The following GATA4 variants were observed in gnomAD, a reference collection of about 807,000 sequenced individuals.
GATA4 encodes the protein GATA binding protein 4.
A neutral mutation model predicts 37.9 loss-of-function variants in GATA4; 7 were observed. That is an observed-to-expected ratio of 0.18 (90% CI 0.11 to 0.35). GATA4 has a LOEUF of 0.35. Ranked by LOEUF, GATA4 falls within the 10% of genes least tolerant of loss-of-function variation. The pLI, the probability that GATA4 is intolerant of heterozygous loss-of-function variation, is 1.00. For synonymous variants in GATA4, 372 were observed against 292.6 expected, an observed-to-expected ratio of 1.27 and a Z score of -2.77; for missense variants, 647 against 653.0, an observed-to-expected ratio of 0.99 and a Z score of 0.10.
rs770347441 is a variant in GATA4, at chr8:11,708,296, G to C, written c.-17G>C. ...GAGGGAGAGAGAGGACACCGAAGCC[G>C]GGAGCTCGCAGGGACCATGTATCAG... On this transcript the variant is annotated 5_prime_UTR_variant, in exon 2 of 7. Coordinates refer to ENST00000532059, the MANE Select transcript of GATA4 (RefSeq NM_001308093.3). The surrounding 1 kb of genome is among the most constrained non-coding windows in gnomAD (Gnocchi z 6.7). 8.9e-6 allele frequency: 14 copies of C among 1,573,280 alleles called. No homozygotes were observed. The South Asian group carries it at 1.6e-4, about 18-fold the overall frequency.
At chr8:11,684,311 C>G (rs1158536627) in intron 1 of GATA4, among the ~76,000 whole-genome samples, 1 of 152,248 alleles carries the variant, frequency 6.6e-6, no homozygotes, top group Non-Finnish European at 1.5e-5. Flanking sequence ...CAAACACCTA[C>G]AAGCTGGGTG....
chr8:11,704,361 C>T (rs1208768135), intron 1 of GATA4, 57 bp downstream of exon 1: 1 of 152,276 alleles, frequency 6.6e-6, no homozygotes. Flanking sequence ...AAACTCGGAG[C>T]TTCTCCGCCT....
intron 1 of GATA4, among the ~76,000 whole-genome samples, chr8:11,684,760 T>C (rs1421394002): frequency 2.0e-5 from 3 of 152,242 alleles, no homozygotes; most frequent in African/African-American, 7.2e-5. Flanking sequence ...TTGTTTTTGT[T>C]TGGCTTTGTG....
At chr8:11,699,331 C>T (rs1243151707), upstream of GATA4, among the ~76,000 whole-genome samples, 1 of 152,222 alleles carries the variant, frequency 6.6e-6, no homozygotes, top group Non-Finnish European at 1.5e-5. Flanking sequence ...CTTCAAAAGT[C>T]TCTAACTGGG....
chr8:11,756,599 A>G, intron 5 of GATA4: 1 of 396,172 alleles, frequency 2.5e-6, no homozygotes, highest in South Asian at 2.3e-5. Context: ...ATTTCATTAT[A>G]GAGTATTATC....
intron 1 of GATA4, among the ~76,000 whole-genome samples, chr8:11,686,516 C>A (rs570178054): frequency 4.1e-4 from 62 of 152,282 alleles, no homozygotes; most frequent in African/African-American, 1.5e-3. Context: ...AGACTGGAGG[C>A]AGCTCCTCCT....
chr8:11,730,986 C>A (rs1341872513), intron 2 of GATA4, among the ~76,000 whole-genome samples: 1 of 152,266 alleles, frequency 6.6e-6, no homozygotes. Flanking sequence ...TCTGTCAGGG[C>A]GAGCTTCTCG....
In GATA4 at chr8:11,693,562, C is replaced by CACAGAG. The variant is rs1405047773; in HGVS notation, c.-729+903_-729+904insCAGAGA. ...ACACACACACACACACACACACACA[C>CACAGAG]AGAGAGAGAGAGAGAGAGAGAGAGA... On this transcript the variant is annotated intron_variant, in intron 1 of 2. Coordinates refer to the GATA4 transcript ENST00000526974. 1.8e-3 allele frequency among the ~76,000 whole-genome samples: 129 copies of CACAGAG among 72,214 alleles called. 1 individual carries two copies. Among genetic ancestry groups the CACAGAG allele is most frequent in the South Asian group, 7.9e-3 (11 of 1,390 alleles). 47.4% of individuals were successfully genotyped at this position (72,214 alleles called of 152,430 possible).
At chr8:11,695,139 C>T (rs1286798728) in intron 1 of GATA4, among the ~76,000 whole-genome samples, 1 of 152,200 alleles carries the variant, frequency 6.6e-6, no homozygotes, top group Non-Finnish European at 1.5e-5. Flanking sequence ...GGCGCGGTGG[C>T]TCACTCCTTT....
chr8:11,744,521 C>G (rs1013326340), intron 2 of GATA4, among the ~76,000 whole-genome samples: 1 of 152,124 alleles, frequency 6.6e-6, no homozygotes, highest in South Asian at 2.1e-4. Flanking sequence ...CAGTGCCTTT[C>G]GTAGGAAGGA....
intron 1 of GATA4, chr8:11,694,350 C>T (rs974943267): frequency 6.1e-5 from 14 of 228,102 alleles, no homozygotes; most frequent in Non-Finnish European, 9.4e-5. Context: ...AGGCTCCCAG[C>T]ATTGCCCCAT....
intron 1 of GATA4, among the ~76,000 whole-genome samples, chr8:11,696,547 A>C (rs973222789): frequency 6.6e-6 from 1 of 152,208 alleles, no homozygotes; most frequent in Admixed American, 6.5e-5. Flanking sequence ...GTTTGGGGCA[A>C]TTATGAATAA....
chr8:11,758,490 T>A lies in GATA4; in HGVS notation c.*15T>A. ...TCACTGCGTAATCTTCCCTCTTCCC[T>A]CCTCAAATTCCTGCACGGACCTGGG... On this transcript the variant is annotated 3_prime_UTR_variant, in exon 7 of 7. Transcript: ENST00000532059. 6.2e-7 allele frequency: 1 copy of A among 1,613,632 alleles called. No individual in the cohort carries two copies. Among genetic ancestry groups the A allele is most frequent in the Non-Finnish European group, 8.5e-7 (1 of 1,179,574 alleles).
chr8:11,716,803 G>A (rs1448647250), intron 2 of GATA4, among the ~76,000 whole-genome samples: 1 of 152,232 alleles, frequency 6.6e-6, no homozygotes. Context: ...AGGGCAAGGT[G>A]ATTCTTTTAA....
chr8:11,708,826 T>C lies in GATA4; in HGVS notation c.514T>C (p.Ser172Pro). 1 of 1,493,044 alleles carries C rather than the reference T, an allele frequency of 6.7e-7. No homozygotes were observed. The highest frequency in any genetic ancestry group is 8.9e-7 in the Non-Finnish European group (1 of 1,129,236). 92.5% of individuals were successfully genotyped at this position (1,493,044 alleles called of 1,614,324 possible). ...YPAYMADVGASWAAAAAASAG... is the reference protein window; with the variant it reads ...YPAYMADVGAPWAAAAAASAG... The stretch of plus-strand genomic sequence containing the variant: ...GGCTTACATGGCCGACGTGGGCGCG[T>C]CCTGGGCCGCAGCCGCCGCCGCCTC... The change falls in exon 2 of 7, where the codon TCC becomes CCC. Residue 172 changes from serine (S) to proline (P), a missense_variant. Ser to Pro is a moderately conservative substitution (Grantham distance 74). Transcript: ENST00000532059. The surrounding 1 kb of genome is among the most constrained non-coding windows in gnomAD (Gnocchi z 6.7).
chr8:11,719,783 C>G (rs568806470), intron 2 of GATA4, among the ~76,000 whole-genome samples: 2 of 152,134 alleles, frequency 1.3e-5, no homozygotes, highest in African/African-American at 2.4e-5. Context: ...ACACTGATGC[C>G]ATTTTTAAAT....
intron 1 of GATA4, among the ~76,000 whole-genome samples, chr8:11,695,337 C>G (rs986967243): frequency 6.6e-6 from 1 of 152,186 alleles, no homozygotes; most frequent in East Asian, 1.9e-4. Context: ...ACCCGGGAGG[C>G]AGAGGTTGCG....
chr8:11,681,989 A>G (rs893065988), intron 1 of GATA4, among the ~76,000 whole-genome samples: 1 of 152,170 alleles, frequency 6.6e-6, no homozygotes, highest in African/African-American at 2.4e-5. Flanking sequence ...TACAGAAGTT[A>G]CTCGATAAAG....
Position 11,708,565 on chromosome 8 carries a change from G to C in GATA4, c.253G>C (p.Gly85Arg). The C allele has an allele frequency of 7.2e-7, 1 of 1,385,144 alleles. No individual in the cohort carries two copies. Among genetic ancestry groups the C allele is most frequent in the Non-Finnish European group, 9.3e-7 (1 of 1,076,256 alleles). 85.8% of individuals were successfully genotyped at this position (1,385,144 alleles called of 1,614,324 possible). A position where few individuals can be genotyped will look rare whatever the true frequency, so the allele number is the denominator to read the frequency against. ...ASGAGPGTQQ[G>R]SPGWSQAGAD... Reference sequence around the variant, plus strand: ...TGGTGCGGGGCCCGGGACCCAGCAGGGCAGCCCGGGATGGAGCCAGGCGGG... The same window carrying C: ...TGGTGCGGGGCCCGGGACCCAGCAGCGCAGCCCGGGATGGAGCCAGGCGGG... The change falls in exon 2 of 7, where the codon GGC becomes CGC. Residue 85 changes from glycine (G) to arginine (R), a missense_variant. This residue lies in a region of GATA4 where 379 missense variants were observed against 334.5 expected (regional missense o/e 1.13). Transcript: ENST00000532059. This position sits in a 1 kb window ranked among gnomAD's most constrained non-coding sequence, Gnocchi z 6.7.
Sources: gnomAD v4.1 joint callset for allele counts (sites outside exome capture counted in the v4.1 genomes callset) on GRCh38, gnomAD v4.1.1 for gene constraint, gnomAD v4.1.1 regional missense constraint, Gnocchi (gnomAD v3.1) non-coding constraint, MANE v1.5 for transcripts, NCBI Gene and HGNC (gene_info 2026-07-23, HGNC 2026-07-21) for gene names.